FRMD4B: variants seen among roughly 807,000 people sequenced by gnomAD.
FRMD4B encodes the protein FERM domain-containing protein 4B.
In FRMD4B, 74 loss-of-function variants were observed where a neutral mutation model predicts 141.5. That is an observed-to-expected ratio of 0.52 (90% CI 0.43 to 0.63). The LOEUF is 0.63. Among genes scored for constraint, FRMD4B ranks in the 30% least tolerant of loss-of-function variants. FRMD4B has a pLI of 0.00. For synonymous variants in FRMD4B, 506 were observed against 467.9 expected (o/e 1.08, Z -1.05); for missense variants, 1,366 against 1,253.4 (o/e 1.09, Z -1.36).
chr3:69,504,497 G>A (rs1324744974), intron 1 of FRMD4B, among the ~76,000 whole-genome samples: 2 of 152,090 alleles, frequency 1.3e-5, no homozygotes, highest in Non-Finnish European at 2.9e-5. Context: ...AGACCCAGGC[G>A]ACCTCCAATG....
intron 2 of FRMD4B, among the ~76,000 whole-genome samples, chr3:69,311,836 A>C (rs1035994313): frequency 6.6e-6 from 1 of 152,000 alleles, no homozygotes; most frequent in Non-Finnish European, 1.5e-5. Flanking sequence ...AATAATAATA[A>C]TAGTTACTAT....
At chr3:69,465,315 G>A (rs1320369375) in intron 1 of FRMD4B, among the ~76,000 whole-genome samples, 9 of 127,322 alleles carry the variant, frequency 7.1e-5, no homozygotes, top group East Asian at 4.7e-4. Flanking sequence ...GCGAGGCTCC[G>A]TCTCAAAAAA....
chr3:69,270,282 A>G (rs1192968359), intron 5 of FRMD4B, among the ~76,000 whole-genome samples: 5 of 152,166 alleles, frequency 3.3e-5, no homozygotes. Context: ...CTATTCATTC[A>G]ATTTCTTCTT....
At chr3:69,259,139 G>A (rs181839133) in intron 5 of FRMD4B, among the ~76,000 whole-genome samples, 1 of 152,308 alleles carries the variant, frequency 6.6e-6, no homozygotes, top group African/African-American at 2.4e-5. Flanking sequence ...TCCCACCTGG[G>A]GGTGATGGGA....
intron 1 of FRMD4B, among the ~76,000 whole-genome samples, chr3:69,476,102 A>G (rs572176335): frequency 6.6e-6 from 1 of 150,942 alleles, no homozygotes; most frequent in East Asian, 1.9e-4. Flanking sequence ...TCTGGATATT[A>G]GCCCTTTGTC....
At position 69,171,444 on chromosome 3, in the gene FRMD4B, C is replaced by G. The variant is rs2092585499; in HGVS notation, c.*417G>C. 1 of 158,274 alleles carries G rather than the reference C, an allele frequency of 6.3e-6. No homozygotes were observed. Among genetic ancestry groups the G allele is most frequent in the African/African-American group, 2.4e-5 (1 of 41,502 alleles). The allele number at this position is 158,274 out of a possible 1,614,324, so 9.8% of individuals were successfully genotyped here. On this transcript the variant is annotated 3_prime_UTR_variant, in exon 23 of 23. Coordinates refer to ENST00000398540, the MANE Select transcript of FRMD4B (RefSeq NM_015123.3). ...AGCAATGACTCCGGAGCTTCTGGTT[C>G]CCCTTCTCTCATCCTGCTGAATTGT...
intron 5 of FRMD4B, among the ~76,000 whole-genome samples, chr3:69,261,582 T>C (rs1156981391): frequency 2.0e-5 from 3 of 152,268 alleles, no homozygotes; most frequent in Non-Finnish European, 2.9e-5. Context: ...TGAAACAGAC[T>C]TTATATCTTA....
intron 7 of FRMD4B, among the ~76,000 whole-genome samples, chr3:69,235,870 C>T (rs78166695): frequency 0.038 from 5,848 of 152,184 alleles, 144 homozygotes; most frequent in Non-Finnish European, 0.054. Context: ...CGACTCCAAA[C>T]CTGTGCTTTA....
At chr3:69,323,306 C>T (rs1702070457) in intron 1 of FRMD4B, among the ~76,000 whole-genome samples, 1 of 151,930 alleles carries the variant, frequency 6.6e-6, no homozygotes, top group South Asian at 2.1e-4. Flanking sequence ...GTGGCTCATG[C>T]CTGTAATCCC....
chr3:69,433,358 T>C (rs1425380051), intron 1 of FRMD4B, among the ~76,000 whole-genome samples: 1 of 152,200 alleles, frequency 6.6e-6, no homozygotes, highest in Admixed American at 6.5e-5. Flanking sequence ...CTTCAGTCAA[T>C]AAGCATGCTT....
intron 18 of FRMD4B, 59 bp from the exon 19 acceptor site, chr3:69,187,976 T>G: frequency 1.1e-6 from 1 of 907,094 alleles, no homozygotes; most frequent in Non-Finnish European, 1.7e-6. Flanking sequence ...GGTAAATAAA[T>G]ATCTTGCCAA....
intron 1 of FRMD4B, among the ~76,000 whole-genome samples, chr3:69,472,817 C>T (rs916196238): frequency 6.6e-6 from 1 of 151,508 alleles, no homozygotes; most frequent in African/African-American, 2.4e-5. Flanking sequence ...GTCAAATGTT[C>T]AAGTATTACC....
chr3:69,528,305 TCCTTTCTC>T (rs754964064), intron 1 of FRMD4B, among the ~76,000 whole-genome samples: 1 of 145,136 alleles, frequency 6.9e-6, no homozygotes, highest in African/African-American at 2.7e-5. Flanking sequence ...CTTCCTTCCT[TCCTTTCTC>T]TCTCTTTCTT....
chr3:69,193,619 CA>C (rs11310698), intron 17 of FRMD4B, 28 bp downstream of exon 17: 872,427 of 1,020,460 alleles, frequency 0.85, 365,738 homozygotes, highest in East Asian at 0.93. Context: ...GTAGGGGACT[CA>C]AAAAAAAAAA....
chr3:69,341,793 T>A (rs1702747177), intron 1 of FRMD4B, among the ~76,000 whole-genome samples: 1 of 152,206 alleles, frequency 6.6e-6, no homozygotes, highest in Non-Finnish European at 1.5e-5. Context: ...AAGCTTGCCT[T>A]TTTGCCTTTT....
chr3:69,458,007 T>C (rs1044313545), intron 1 of FRMD4B, among the ~76,000 whole-genome samples: 1 of 152,316 alleles, frequency 6.6e-6, no homozygotes, highest in East Asian at 1.9e-4. Context: ...TTCTTGGCTT[T>C]TCTCCCTCTC....
intron 1 of FRMD4B, among the ~76,000 whole-genome samples, chr3:69,322,442 CTTT>C (rs773667064): frequency 1.3e-5 from 2 of 152,148 alleles, no homozygotes; most frequent in Non-Finnish European, 2.9e-5. Context: ...CTGGAGACTT[CTTT>C]TTTAAGTGTC....
chr3:69,196,173 A>G, intron 14 of FRMD4B, 82 bp downstream of exon 14: 3 of 1,035,188 alleles, frequency 2.9e-6, no homozygotes, highest in Non-Finnish European at 4.2e-6. Context: ...ATGGATTAAA[A>G]GATGAATTTC....
At chr3:69,225,070 A>G (rs1435168194) in intron 7 of FRMD4B, among the ~76,000 whole-genome samples, 2 of 146,108 alleles carry the variant, frequency 1.4e-5, no homozygotes, top group Non-Finnish European at 2.9e-5. Flanking sequence ...GTTATCATGA[A>G]ACCATTCACA....
Sources: allele counts gnomAD v4.1 joint callset (sites outside exome capture counted in the v4.1 genomes callset), GRCh38; gene constraint gnomAD v4.1.1; transcripts MANE v1.5; gene names NCBI Gene and HGNC (gene_info 2026-07-23, HGNC 2026-07-21).